KCNAB1: variants seen among roughly 807,000 people sequenced by gnomAD.
KCNAB1 encodes voltage-gated potassium channel subunit beta-1.
KCNAB1 carries 35 observed loss-of-function variants against 64.6 expected under a neutral mutation model. The observed-to-expected ratio is 0.54, with a 90% CI of 0.41 to 0.72. The LOEUF (loss-of-function observed/expected upper bound fraction) is 0.72, where lower values mean the gene tolerates loss of function less well. Among genes scored for constraint, KCNAB1 ranks in the 30% least tolerant of loss-of-function variants. The pLI, the probability that KCNAB1 is intolerant of heterozygous loss-of-function variation, is 0.00. For synonymous variants in KCNAB1, 177 were observed against 183.8 expected (o/e 0.96, Z 0.30); for missense variants, 401 against 512.9 (o/e 0.78, Z 2.11).
chr3:156,468,038 A>G (rs1713556603), intron 7 of KCNAB1, among the ~76,000 whole-genome samples: 1 of 151,972 alleles, frequency 6.6e-6, no homozygotes, highest in Non-Finnish European at 1.5e-5. Flanking sequence ...GATACTAGTG[A>G]TGTTCACTTT....
At chr3:156,123,131 T>C (rs949649036) in intron 1 of KCNAB1, among the ~76,000 whole-genome samples, 3 of 152,332 alleles carry the variant, frequency 2.0e-5, no homozygotes, top group African/African-American at 4.8e-5. Flanking sequence ...GAGTGATATC[T>C]CCATTAGAAA....
intron 1 of KCNAB1, among the ~76,000 whole-genome samples, chr3:156,420,946 TAC>T (rs200723420): frequency 1.0e-4 from 15 of 149,990 alleles, no homozygotes; most frequent in Non-Finnish European, 1.6e-4. Flanking sequence ...TAAATATATA[TAC>T]ACACACACAC....
intron 2 of KCNAB1, among the ~76,000 whole-genome samples, chr3:156,443,859 T>C (rs1277605355): frequency 6.6e-6 from 1 of 152,072 alleles, no homozygotes; most frequent in African/African-American, 2.4e-5. Flanking sequence ...TCCTGGCCTT[T>C]ACCACTTCCT....
chr3:156,310,417 G>T (rs778684666), intron 1 of KCNAB1, among the ~76,000 whole-genome samples: 1 of 152,100 alleles, frequency 6.6e-6, no homozygotes, highest in African/African-American at 2.4e-5. Context: ...GGTCCTGCAG[G>T]CCCTGAACAC....
At chr3:156,189,585 C>A (rs1420513397) in intron 1 of KCNAB1, among the ~76,000 whole-genome samples, 1 of 152,156 alleles carries the variant, frequency 6.6e-6, no homozygotes, top group Admixed American at 6.5e-5. Context: ...CTTTTCTAAT[C>A]TTTTGCATCT....
intron 1 of KCNAB1, among the ~76,000 whole-genome samples, chr3:156,266,733 G>A (rs2108486698): frequency 6.6e-6 from 1 of 152,264 alleles, no homozygotes; most frequent in South Asian, 2.1e-4. Context: ...CAGATCTATA[G>A]AGAATCAGTT....
chr3:156,437,680 C>CA (rs1559884281), intron 2 of KCNAB1, among the ~76,000 whole-genome samples: 5 of 152,106 alleles, frequency 3.3e-5, no homozygotes, highest in Non-Finnish European at 1.5e-5. Context: ...CATTTGCTGC[C>CA]ACTGGGATTT....
chr3:156,284,305 G>A (rs1328342603), intron 1 of KCNAB1, among the ~76,000 whole-genome samples: 1 of 152,166 alleles, frequency 6.6e-6, no homozygotes, highest in Non-Finnish European at 1.5e-5. Flanking sequence ...GGACCCACTT[G>A]AGGAGGCAGT....
chr3:156,357,564 G>A (rs1040544639), intron 1 of KCNAB1, among the ~76,000 whole-genome samples: 21 of 152,230 alleles, frequency 1.4e-4, no homozygotes, highest in African/African-American at 3.6e-4. Flanking sequence ...AAATGATAGA[G>A]AGTGCTACAG....
intron 2 of KCNAB1, among the ~76,000 whole-genome samples, chr3:156,440,532 G>A (rs1288659856): frequency 6.6e-6 from 1 of 152,222 alleles, no homozygotes; most frequent in Admixed American, 6.5e-5. Context: ...AATCTCCCAA[G>A]ATTGAAGATG....
intron 1 of KCNAB1, among the ~76,000 whole-genome samples, chr3:156,336,383 A>C (rs761946933): frequency 7.9e-5 from 12 of 152,070 alleles, no homozygotes; most frequent in South Asian, 2.1e-4. Flanking sequence ...AACAAACAAA[A>C]AAAGAGTAAC....
intron 1 of KCNAB1, among the ~76,000 whole-genome samples, chr3:156,253,683 C>T (rs1014353484): frequency 2.0e-5 from 3 of 152,218 alleles, no homozygotes; most frequent in African/African-American, 7.2e-5. Context: ...AAGAGTGAAA[C>T]TTGCTTTGTC....
chr3:156,398,768 T>A (rs981011492), intron 1 of KCNAB1, among the ~76,000 whole-genome samples: 1 of 150,988 alleles, frequency 6.6e-6, no homozygotes, highest in African/African-American at 2.5e-5. Context: ...AAAGTAGAAA[T>A]TTTTAAAAGA....
Position 156,400,542 on chromosome 3 carries a change from A to T in KCNAB1, c.276-21074A>T, listed in dbSNP as rs187972671. On this transcript the variant is annotated intron_variant, in intron 1 of 13. Transcript: ENST00000490337. ...TTAAATTTTCTGATAGTTTTCCATC[A>T]CCTACAGATTACATTTCAAATTAAA... 3.3e-5 allele frequency among the ~76,000 whole-genome samples: 5 copies of T among 152,228 alleles called. No homozygotes were observed. The East Asian group carries it at 9.7e-4, about 29-fold the overall frequency.
chr3:156,197,455 T>C (rs933481171), intron 1 of KCNAB1, among the ~76,000 whole-genome samples: 14 of 152,318 alleles, frequency 9.2e-5, no homozygotes, highest in African/African-American at 3.4e-4. Flanking sequence ...TTTTGGTTGG[T>C]AGGCTGTTAA....
At chr3:156,315,549 C>T (rs1036977698) in intron 1 of KCNAB1, among the ~76,000 whole-genome samples, 1 of 152,186 alleles carries the variant, frequency 6.6e-6, no homozygotes, top group Non-Finnish European at 1.5e-5. Context: ...CTACTTACCT[C>T]CAAGCTGATG....
chr3:156,480,207 A>G (rs1714685196), intron 8 of KCNAB1, among the ~76,000 whole-genome samples: 2 of 152,174 alleles, frequency 1.3e-5, no homozygotes, highest in Non-Finnish European at 2.9e-5. Context: ...AGTTACCTTC[A>G]AGCCATTCGA....
At chr3:156,381,478 G>C (rs1348667213) in intron 1 of KCNAB1, among the ~76,000 whole-genome samples, 1 of 152,194 alleles carries the variant, frequency 6.6e-6, no homozygotes, top group East Asian at 1.9e-4. Context: ...CTTCACCAAG[G>C]CTGGGGTCTC....
intron 1 of KCNAB1, among the ~76,000 whole-genome samples, chr3:156,326,624 T>A (rs1439123124): frequency 6.6e-6 from 1 of 152,164 alleles, no homozygotes; most frequent in Admixed American, 6.6e-5. Context: ...ACTACAACTA[T>A]GATACAGTCT....
Sources: allele counts gnomAD v4.1 joint callset (sites outside exome capture counted in the v4.1 genomes callset), GRCh38; gene constraint gnomAD v4.1.1; transcripts MANE v1.5; gene names NCBI Gene and HGNC (gene_info 2026-07-23, HGNC 2026-07-21).